Variants in PRR5L observed in about 807,000 individuals in gnomAD.
The protein encoded by PRR5L is proline rich 5 like, also known as proline-rich protein 5-like.
Under a neutral mutation model 36.4 loss-of-function variants are expected in PRR5L, and 21 were observed. The ratio of observed to expected loss-of-function variants is 0.58; its 90% CI spans 0.41 to 0.83. The LOEUF (loss-of-function observed/expected upper bound fraction) is 0.83, where lower values mean the gene tolerates loss of function less well. Among genes scored for constraint, PRR5L ranks in the 40% least tolerant of loss-of-function variants. The pLI, the probability that PRR5L is intolerant of heterozygous loss-of-function variation, is 0.00. For missense variants in PRR5L, 381 were observed against 473.3 expected (o/e 0.80, Z 1.81); for synonymous variants, 188 against 197.0 (o/e 0.95, Z 0.38).
At position 36,311,451 on chromosome 11, in the gene PRR5L, C is replaced by G. The variant is rs1177228413; in HGVS notation, c.-126+15013C>G. On this transcript the variant is annotated intron_variant, in intron 1 of 8. Transcript: ENST00000530639. Reference sequence around the variant, plus strand: ...CAAAGGCCTCCCTGCTTGGCCCCCTCATGGGTTGGTAGGCTATGCTGGGTT... The same window carrying G: ...CAAAGGCCTCCCTGCTTGGCCCCCTGATGGGTTGGTAGGCTATGCTGGGTT... Among the ~76,000 whole-genome samples, 5 of 152,156 alleles carry G rather than the reference C, an allele frequency of 3.3e-5. No homozygotes were observed. The East Asian group carries it at 9.6e-4, about 29-fold the overall frequency.
chr11:36,319,862 G>T (rs759771154), intron 1 of PRR5L, among the ~76,000 whole-genome samples: 8 of 152,058 alleles, frequency 5.3e-5, no homozygotes, highest in Non-Finnish European at 1.2e-4. Context: ...AAATTCCCAG[G>T]AGAGAAATTT....
intron 1 of PRR5L, among the ~76,000 whole-genome samples, chr11:36,319,743 A>G (rs977370653): frequency 7.9e-5 from 12 of 152,032 alleles, no homozygotes; most frequent in African/African-American, 2.9e-4. Flanking sequence ...TGCAACTGAA[A>G]AAGGCCTTAA....
At chr11:36,446,676 A>G (rs1419762384) in intron 7 of PRR5L, among the ~76,000 whole-genome samples, 1 of 152,156 alleles carries the variant, frequency 6.6e-6, no homozygotes, top group African/African-American at 2.4e-5. Flanking sequence ...CTGGGGAGTG[A>G]GGGAAGCATA....
At chr11:36,391,075 G>A (rs1857554567) in intron 1 of PRR5L, among the ~76,000 whole-genome samples, 1 of 152,116 alleles carries the variant, frequency 6.6e-6, no homozygotes, top group Non-Finnish European at 1.5e-5. Context: ...TGTTTCCGTG[G>A]TAACTAGTTT....
chr11:36,359,908 G>T (rs989661338), intron 1 of PRR5L, among the ~76,000 whole-genome samples: 1 of 152,010 alleles, frequency 6.6e-6, no homozygotes, highest in African/African-American at 2.4e-5. Context: ...ATGGTGATGC[G>T]CGCCTGTAGT....
chr11:36,398,995 G>A (rs937824374), intron 1 of PRR5L, among the ~76,000 whole-genome samples: 2 of 152,218 alleles, frequency 1.3e-5, no homozygotes, highest in African/African-American at 4.8e-5. Flanking sequence ...TTGAAGAATG[G>A]CAGCGAAATG....
intron 5 of PRR5L, among the ~76,000 whole-genome samples, chr11:36,435,697 A>G (rs1858591084): frequency 7.1e-6 from 1 of 140,442 alleles, no homozygotes; most frequent in Admixed American, 7.0e-5. Context: ...TGTGTAGATC[A>G]TATTACTGAT....
rs369959288 is a variant in PRR5L, at chr11:36,297,975, G to C, written c.-126+1537G>C. On this transcript the variant is annotated intron_variant, in intron 1 of 8. Coordinates refer to ENST00000530639, the MANE Select transcript of PRR5L (RefSeq NM_001160167.2). The stretch of plus-strand genomic sequence containing the variant: ...GCTGTGGCAAGCTGGCATTTCAGTG[G>C]CAGGTTCTGGTGGGTGTGTAAACCT... 1.2e-3 allele frequency among the ~76,000 whole-genome samples: 176 copies of C among 152,354 alleles called. 1 individual carries two copies. The highest frequency in any genetic ancestry group is 4.1e-3 in the African/African-American group (170 of 41,582).
intron 1 of PRR5L, among the ~76,000 whole-genome samples, chr11:36,358,800 G>C (rs1857055065): frequency 6.6e-6 from 1 of 152,134 alleles, no homozygotes; most frequent in African/African-American, 2.4e-5. Flanking sequence ...ATGGAAGTAA[G>C]AAAAAGGGCT....
At chr11:36,310,674 T>A (rs540710080) in intron 1 of PRR5L, among the ~76,000 whole-genome samples, 12 of 152,284 alleles carry the variant, frequency 7.9e-5, no homozygotes, top group Admixed American at 2.6e-4. Flanking sequence ...TTGCAATATT[T>A]ATACAGCAAC....
At chr11:36,398,411 G>A (rs930288835) in intron 1 of PRR5L, 4 of 152,410 alleles carry the variant, frequency 2.6e-5, no homozygotes, top group African/African-American at 9.7e-5. Flanking sequence ...GTGTATCAGC[G>A]TTTCCCTTTA....
At chr11:36,338,717 C>T (rs145287680) in intron 1 of PRR5L, among the ~76,000 whole-genome samples, 2 of 152,116 alleles carry the variant, frequency 1.3e-5, no homozygotes, top group Admixed American at 6.5e-5. Flanking sequence ...TCAAAATCCT[C>T]ATATTGCCTA....
intron 4 of PRR5L, among the ~76,000 whole-genome samples, chr11:36,421,589 T>C (rs964594458): frequency 2.6e-5 from 4 of 152,208 alleles, no homozygotes; most frequent in Non-Finnish European, 5.9e-5. Flanking sequence ...ACAGCTTTTT[T>C]TTCTTTCTTT....
At chr11:36,451,131 C>T in intron 7 of PRR5L, 78 bp from the exon 8 acceptor site, 1 of 1,545,586 alleles carries the variant, frequency 6.5e-7, no homozygotes, top group African/African-American at 1.4e-5. Context: ...GGAGGACAAT[C>T]AGGATTTGTT....
intron 1 of PRR5L, among the ~76,000 whole-genome samples, chr11:36,354,167 A>G (rs945701447): frequency 1.1e-4 from 16 of 152,238 alleles, no homozygotes; most frequent in Non-Finnish European, 1.5e-5. Flanking sequence ...AATGGAAATC[A>G]TAACAGTAGT....
intron 4 of PRR5L, among the ~76,000 whole-genome samples, chr11:36,426,329 T>C (rs1330923973): frequency 6.6e-6 from 1 of 152,204 alleles, no homozygotes; most frequent in Non-Finnish European, 1.5e-5. Context: ...CTAATCTTTG[T>C]TAGAACACTT....
intron 8 of PRR5L, among the ~76,000 whole-genome samples, chr11:36,458,086 G>A (rs1455643069): frequency 2.6e-5 from 4 of 152,198 alleles, no homozygotes; most frequent in Admixed American, 6.5e-5. Context: ...AGAAAGAACC[G>A]CTGCCAATGC....
chr11:36,402,447 T>C (rs1380889485), intron 2 of PRR5L, among the ~76,000 whole-genome samples: 1 of 152,208 alleles, frequency 6.6e-6, no homozygotes, highest in Non-Finnish European at 1.5e-5. Context: ...TTCACCATGT[T>C]GGCCAGACTG....
intron 4 of PRR5L, among the ~76,000 whole-genome samples, chr11:36,420,834 AACAC>A (rs58639707): frequency 0.06 from 8,297 of 139,236 alleles, 263 homozygotes; most frequent in African/African-American, 0.093. Context: ...CAGTTGTTTA[AACAC>A]ACACACACAC....
Sources: gnomAD v4.1 joint callset for allele counts (sites outside exome capture counted in the v4.1 genomes callset) on GRCh38, gnomAD v4.1.1 for gene constraint, MANE v1.5 for transcripts, NCBI Gene and HGNC (gene_info 2026-07-23, HGNC 2026-07-21) for gene names.